The following GTF3C5 variants were observed in gnomAD, a reference collection of about 807,000 sequenced individuals.
GTF3C5 encodes general transcription factor IIIC subunit 5, also known as general transcription factor 3C polypeptide 5.
In GTF3C5, 47 loss-of-function variants were observed where a neutral mutation model predicts 61.0. The observed-to-expected ratio is 0.77, with a 90% confidence interval of 0.61 to 0.98. The LOEUF is 0.98. GTF3C5 is among the 50% of genes least tolerant of loss of function. The pLI is 0.00. For missense variants in GTF3C5, 659 were observed against 703.3 expected (o/e 0.94, Z 0.71); for synonymous variants, 295 against 275.4 (o/e 1.07, Z -0.71).
At chr9:133,034,126 A>G (rs1317622552) in intron 1 of GTF3C5, among the ~76,000 whole-genome samples, 2 of 152,178 alleles carry the variant, frequency 1.3e-5, no homozygotes, top group Non-Finnish European at 2.9e-5. Flanking sequence ...ATAATTAGCA[A>G]TAAGGGGTTA....
intron 1 of GTF3C5, among the ~76,000 whole-genome samples, chr9:133,041,303 G>A (rs1850031874): frequency 1.3e-5 from 2 of 152,214 alleles, no homozygotes; most frequent in Admixed American, 1.3e-4. Context: ...TTATCCGGGG[G>A]ACTGTCTCCC....
At chr9:133,050,152 G>C (rs1166815589) in intron 3 of GTF3C5, among the ~76,000 whole-genome samples, 1 of 152,088 alleles carries the variant, frequency 6.6e-6, no homozygotes, top group Non-Finnish European at 1.5e-5. Flanking sequence ...TGGGACCTTT[G>C]CAGCCAGCCT....
chr9:133,056,128 G>T (rs1447966529), intron 9 of GTF3C5, 34 bp downstream of exon 9: 2 of 1,581,604 alleles, frequency 1.3e-6, no homozygotes, highest in South Asian at 1.1e-5. Flanking sequence ...ACACTGAGGG[G>T]GGCCCGTGGG....
chr9:133,043,463 A>T (rs1275973654), intron 2 of GTF3C5, among the ~76,000 whole-genome samples: 1 of 152,214 alleles, frequency 6.6e-6, no homozygotes, highest in Non-Finnish European at 1.5e-5. Flanking sequence ...AGTAACATTC[A>T]TCTAAGAAGC....
chr9:133,030,953 G>A (rs1314402313), upstream of GTF3C5: 1 of 1,577,554 alleles, frequency 6.3e-7, no homozygotes, highest in Middle Eastern at 1.7e-4. Flanking sequence ...CAATTGAGGC[G>A]AGGCCTTTGG....
At chr9:133,057,410 G>A (rs889208897) in intron 10 of GTF3C5, among the ~76,000 whole-genome samples, 14 of 152,166 alleles carry the variant, frequency 9.2e-5, no homozygotes, top group Non-Finnish European at 1.9e-4. Context: ...CCTCTCTCAG[G>A]GAACTCCTCC....
intron 3 of GTF3C5, among the ~76,000 whole-genome samples, chr9:133,047,582 C>T (rs1457002407): frequency 2.0e-5 from 3 of 151,228 alleles, no homozygotes; most frequent in East Asian, 1.9e-4. Flanking sequence ...AATGCAGTGG[C>T]GCGATCTCGG....
At chr9:133,033,003 A>AT (rs1849771329) in intron 1 of GTF3C5, among the ~76,000 whole-genome samples, 1 of 151,994 alleles carries the variant, frequency 6.6e-6, no homozygotes, top group South Asian at 2.1e-4. Flanking sequence ...ATGCTATTCT[A>AT]TTTTCCCAAG....
rs554135485 is a variant in GTF3C5 at position 133,056,675 on chromosome 9, A to G, written c.1251-91A>G. 42 of 1,284,910 alleles carry G rather than the reference A, an allele frequency of 3.3e-5. 2 individuals are homozygous for G. In the South Asian group the frequency reaches 5.7e-4, roughly 18 times the overall value. The allele number at this position is 1,284,910 out of a possible 1,614,324, so 79.6% of individuals were successfully genotyped here. A position where few individuals can be genotyped will look rare whatever the true frequency, so the allele number is the denominator to read the frequency against. ...TCACGGGGCTGCCTTTGATCTCAGT[A>G]CAGCTCTGCCTCTGGCAAAAACCAA... On this transcript the variant is annotated intron_variant, in intron 9 of 10. Coordinates refer to ENST00000372097, the MANE Select transcript of GTF3C5 (RefSeq NM_012087.4).
intron 5 of GTF3C5, 72 bp downstream of exon 5, chr9:133,052,236 T>C (rs1588477075): frequency 1.2e-6 from 1 of 803,120 alleles, no homozygotes; most frequent in Non-Finnish European, 2.1e-6. Context: ...TGTGATGTCT[T>C]AGAGCCACAG....
At chr9:133,041,755 C>T (rs2118992079) in intron 1 of GTF3C5, among the ~76,000 whole-genome samples, 1 of 152,298 alleles carries the variant, frequency 6.6e-6, no homozygotes, top group Non-Finnish European at 1.5e-5. Flanking sequence ...CCCACCGACC[C>T]TGTGGGGCTG....
rs545123980 is a variant in GTF3C5 at position 133,045,880 on chromosome 9, G to A, written c.572+1954G>A. Among the ~76,000 whole-genome samples the A allele has an allele frequency of 1.2e-4, 18 of 152,206 alleles. No homozygotes were observed. The South Asian group carries it at 3.5e-3, about 30-fold the overall frequency. ...TCGAACTCCTGGCCTCCAGTGATCCGCCCACCTCAGCCTCCCAAGGTGCTG... is the reference window on the plus strand; with the variant it reads ...TCGAACTCCTGGCCTCCAGTGATCCACCCACCTCAGCCTCCCAAGGTGCTG... On this transcript the variant is annotated intron_variant, in intron 3 of 10. Transcript: ENST00000372097.
intron 3 of GTF3C5, among the ~76,000 whole-genome samples, chr9:133,047,153 C>CG (rs1277199961): frequency 1.3e-5 from 2 of 152,106 alleles, no homozygotes; most frequent in Non-Finnish European, 2.9e-5. Context: ...CAGACAGACT[C>CG]GCAATACCAG....
chr9:133,030,969 C>G (rs1255373845), upstream of GTF3C5: 2 of 1,608,756 alleles, frequency 1.2e-6, no homozygotes, highest in Middle Eastern at 1.6e-4. Context: ...TTTGGGAGTA[C>G]TTTGTGGGAC....
intron 3 of GTF3C5, among the ~76,000 whole-genome samples, chr9:133,049,879 C>A (rs1239095495): frequency 6.6e-6 from 1 of 152,158 alleles, no homozygotes; most frequent in Admixed American, 6.5e-5. Context: ...CCCCCGTGAT[C>A]AGCATCTCAG....
intron 3 of GTF3C5, 85 bp downstream of exon 3, chr9:133,044,011 G>T (rs758196007): frequency 1.1e-4 from 103 of 938,766 alleles, no homozygotes; most frequent in Non-Finnish European, 1.6e-4. Context: ...TGGGCGTGGT[G>T]GTGCACACCT....
intron 1 of GTF3C5, 22 bp downstream of exon 1, chr9:133,031,186 T>G (rs779993320): frequency 1.3e-6 from 2 of 1,543,812 alleles, no homozygotes; most frequent in East Asian, 2.4e-5. Context: ...GGAATCTCGG[T>G]GTTGGAATAA....
At chr9:133,046,367 A>G (rs1315649891) in intron 3 of GTF3C5, among the ~76,000 whole-genome samples, 1 of 151,992 alleles carries the variant, frequency 6.6e-6, no homozygotes, top group Non-Finnish European at 1.5e-5. Flanking sequence ...AAAAGAGCGG[A>G]CTCTGTGGAC....
chr9:133,055,961 GC>G, intron 8 of GTF3C5, 50 bp from the exon 9 acceptor site: 1 of 1,612,056 alleles, frequency 6.2e-7, no homozygotes, highest in Non-Finnish European at 8.5e-7. Context: ...AACACTGGCA[GC>G]CCCAGGGCTC....
Sources: allele counts gnomAD v4.1 joint callset (sites outside exome capture counted in the v4.1 genomes callset), GRCh38; gene constraint gnomAD v4.1.1; transcripts MANE v1.5; gene names NCBI Gene and HGNC (gene_info 2026-07-23, HGNC 2026-07-21).